The following AARS1 variants were observed in gnomAD, a reference collection of about 807,000 sequenced individuals.
The protein encoded by AARS1 is alanyl-tRNA synthetase 1.
A neutral mutation model predicts 108.9 loss-of-function variants in AARS1; 72 were observed. The ratio of observed to expected loss-of-function variants is 0.66; its 90% CI spans 0.55 to 0.80. AARS1 has a LOEUF of 0.80. AARS1 is among the 30% of genes least tolerant of loss of function. The pLI is 0.00. For synonymous variants in AARS1, 489 were observed against 465.7 expected, an observed-to-expected ratio of 1.05 and a Z score of -0.64; for missense variants, 1,193 against 1,233.2, an observed-to-expected ratio of 0.97 and a Z score of 0.49.
In AARS1 at chr16:70,269,673, G is replaced by A. The variant is rs1302363015; in HGVS notation, c.907C>T (p.Arg303Trp). 2.5e-5 allele frequency: 41 copies of A among 1,614,008 alleles called. No individual in the cohort carries two copies. The highest frequency in any genetic ancestry group is 6.7e-5 in the East Asian group (3 of 44,896). Reference sequence around the variant, plus strand: ...TCAGCCAGTGCCACAGTGATGGTCCGAGCGTGGTCAGCCAGCACCCGGTAG... The same window carrying A: ...TCAGCCAGTGCCACAGTGATGGTCCAAGCGTGGTCAGCCAGCACCCGGTAG... ...MAYRVLADHA[R>W]TITVALADGG... Residue 303 changes from arginine (R) to tryptophan (W), a missense_variant, in exon 7 of 21, where the codon CGG (arginine) becomes TGG (tryptophan). Coordinates refer to ENST00000261772, the MANE Select transcript of AARS1 (RefSeq NM_001605.3).
At chr16:70,256,835 C>T (rs1597434581) in intron 15 of AARS1, among the ~76,000 whole-genome samples, 1 of 152,088 alleles carries the variant, frequency 6.6e-6, no homozygotes, top group South Asian at 2.1e-4. Flanking sequence ...TTCTTTTCAG[C>T]CGGGCGTGGT....
rs371546589 is a variant in AARS1, at chr16:70,276,383, C to G, written c.479+103G>C. The G allele has an allele frequency of 1.7e-4, 236 of 1,356,922 alleles. 6 individuals are homozygous for G. In the East Asian group the frequency reaches 5.3e-3, roughly 31 times the overall value. 84.1% of individuals were successfully genotyped at this position (1,356,922 alleles called of 1,614,324 possible). On this transcript the variant is annotated intron_variant, in intron 4 of 20. Coordinates refer to ENST00000261772, the MANE Select transcript of AARS1 (RefSeq NM_001605.3). ...CCCCATGTGCATCTCAAAAGGAACC[C>G]TGAGATGCAAAATGACCACATATTC...
At chr16:70,282,491 A>G in intron 2 of AARS1, 129 bp downstream of exon 2, 1 of 1,175,856 alleles carries the variant, frequency 8.5e-7, no homozygotes, top group East Asian at 2.3e-5. Flanking sequence ...GGCCCATCAC[A>G]TAAAGTTTCA....
At chr16:70,261,784 C>T (rs1463511488) in intron 12 of AARS1, among the ~76,000 whole-genome samples, 4 of 151,090 alleles carry the variant, frequency 2.6e-5, no homozygotes, top group Non-Finnish European at 1.5e-5. Flanking sequence ...ATTCTCCCCT[C>T]TCAGCTTCCC....
At chr16:70,285,527 C>A (rs762784224) in intron 1 of AARS1, among the ~76,000 whole-genome samples, 1 of 152,162 alleles carries the variant, frequency 6.6e-6, no homozygotes, top group South Asian at 2.1e-4. Context: ...CAGCTCACTG[C>A]AGCTTCCACC....
chr16:70,269,808 C>T, intron 6 of AARS1, 45 bp from the exon 7 acceptor site: 1 of 1,612,292 alleles, frequency 6.2e-7, no homozygotes, highest in South Asian at 1.1e-5. Context: ...AGCAGACTTT[C>T]TGGCGCTACC....
chr16:70,264,339 G>A (rs1054923000), intron 11 of AARS1, among the ~76,000 whole-genome samples: 4 of 151,326 alleles, frequency 2.6e-5, no homozygotes, highest in African/African-American at 7.3e-5. Context: ...TCCCCGAGAC[G>A]GAATTTCACT....
At chr16:70,262,812 C>G (rs1960166408) in intron 11 of AARS1, among the ~76,000 whole-genome samples, 1 of 151,444 alleles carries the variant, frequency 6.6e-6, no homozygotes, top group African/African-American at 2.4e-5. Flanking sequence ...ACCAAAAATA[C>G]AAAACATTAG....
chr16:70,254,619 A>T lies in AARS1; in HGVS notation c.2400+2T>A. On this transcript the variant is annotated splice_donor_variant, in intron 17 of 20. Transcript: ENST00000261772. LOFTEE classifies it high-confidence loss of function. ...GGACGGAGGGAGGGAAGCCGCCCCT[A>T]CCTCTCCAAGGTCAGCGATCTCCCT... The T allele has an allele frequency of 6.2e-7, 1 of 1,607,252 alleles. No individual in the cohort carries two copies. The highest frequency in any genetic ancestry group is 2.2e-5 in the East Asian group (1 of 44,816).
chr16:70,257,233 A>C (rs1421094211), intron 15 of AARS1, among the ~76,000 whole-genome samples: 1 of 150,826 alleles, frequency 6.6e-6, no homozygotes, highest in Non-Finnish European at 1.5e-5. Flanking sequence ...TGGGCAATGA[A>C]ACTCCGTCTC....
chr16:70,270,400 C>CCCT, intron 5 of AARS1, 60 bp from the exon 6 acceptor site: 1 of 1,599,460 alleles, frequency 6.3e-7, no homozygotes, highest in Non-Finnish European at 8.6e-7. Context: ...CCTCTCCAGT[C>CCCT]CCTGCTGGTT....
intron 2 of AARS1, among the ~76,000 whole-genome samples, chr16:70,278,378 C>G (rs1354660832): frequency 1.3e-5 from 2 of 151,722 alleles, no homozygotes; most frequent in Non-Finnish European, 2.9e-5. Context: ...CCAGCCTGAC[C>G]AACATGGAGA....
chr16:70,252,852 A>C lies in AARS1; in HGVS notation c.2776T>G (p.Leu926Val). ...ASEWVQQVSG[L>V]MDGKGGGKDV... Reference sequence around the variant, plus strand: ...TTGCCACCACCTTTACCGTCCATCAAGCCTGACACCTGCTGCACCCACTCG... The same window carrying C: ...TTGCCACCACCTTTACCGTCCATCACGCCTGACACCTGCTGCACCCACTCG... The change falls in exon 21 of 21, where the codon TTG becomes GTG. Residue 926 changes from leucine (L) to valine (V), a missense_variant. Coordinates refer to ENST00000261772, the MANE Select transcript of AARS1 (RefSeq NM_001605.3). 1 of 1,614,180 alleles carries C rather than the reference A, an allele frequency of 6.2e-7. No individual in the cohort carries two copies. The highest frequency in any genetic ancestry group is 8.5e-7 in the Non-Finnish European group (1 of 1,179,990).
chr16:70,261,922 G>C (rs1960141781), intron 12 of AARS1, among the ~76,000 whole-genome samples: 1 of 151,992 alleles, frequency 6.6e-6, no homozygotes, highest in Admixed American at 6.6e-5. Context: ...ACCCGCCTTG[G>C]CCTCCCAAAG....
intron 1 of AARS1, among the ~76,000 whole-genome samples, chr16:70,286,885 G>A (rs1297717674): frequency 2.0e-5 from 3 of 151,952 alleles, no homozygotes; most frequent in African/African-American, 7.3e-5. Context: ...GGGGGCCGAG[G>A]CGGGTGGATC....
chr16:70,272,978 C>T (rs1960446600), intron 4 of AARS1, among the ~76,000 whole-genome samples: 1 of 150,998 alleles, frequency 6.6e-6, no homozygotes, highest in East Asian at 1.9e-4. Flanking sequence ...TGTAGATATA[C>T]AGTACATGAA....
Position 70,271,863 on chromosome 16 carries a change from C to A in AARS1, c.589G>T (p.Gly197Cys). The change falls in exon 5 of 21, where the codon GGT (glycine) becomes TGT (cysteine). Residue 197 changes from glycine (G) to cysteine (C), a missense_variant. Coordinates refer to ENST00000261772, the MANE Select transcript of AARS1 (RefSeq NM_001605.3). ...TTGACAAGATGTGCGGCGTCCCGAC[C>A]ACCAATCCGGTCGTAGTGGATCTCA... Reference protein sequence around the residue: ...CSEIHYDRIGGRDAAHLVNQD... With the variant: ...CSEIHYDRIGCRDAAHLVNQD... The A allele has an allele frequency of 6.2e-7, 1 of 1,614,152 alleles. No individual in the cohort carries two copies. The highest frequency in any genetic ancestry group is 2.2e-5 in the East Asian group (1 of 44,872).
intron 1 of AARS1, among the ~76,000 whole-genome samples, chr16:70,285,190 C>T (rs1019203809): frequency 6.0e-5 from 9 of 151,058 alleles, no homozygotes; most frequent in African/African-American, 2.2e-4. Flanking sequence ...AATTGCGCCA[C>T]TGCACTCCAG....
chr16:70,269,361 CAA>C (rs990674517), intron 7 of AARS1, among the ~76,000 whole-genome samples: 1 of 54,412 alleles, frequency 1.8e-5, no homozygotes, highest in African/African-American at 6.6e-5. Flanking sequence ...AAAAAAAAAA[CAA>C]CCGTCTCTAC....
Sources: gnomAD v4.1 joint callset for allele counts (sites outside exome capture counted in the v4.1 genomes callset) on GRCh38, gnomAD v4.1.1 for gene constraint, MANE v1.5 for transcripts, NCBI Gene and HGNC (gene_info 2026-07-23, HGNC 2026-07-21) for gene names.